The following BRIP1 variants were observed in gnomAD, a reference collection of about 807,000 sequenced individuals.
The protein encoded by BRIP1 is Fanconi anemia group J protein.
In BRIP1, 88 loss-of-function variants were observed where a neutral mutation model predicts 119.7. The ratio of observed to expected loss-of-function variants is 0.74; its 90% CI spans 0.62 to 0.88. The LOEUF is 0.88. BRIP1 is among the 40% of genes least tolerant of loss of function. The probability of loss-of-function intolerance (pLI) is 0.00; values close to 1 mark genes in which losing one functional copy is unlikely to be tolerated. For synonymous variants in BRIP1, 443 were observed against 496.5 expected (o/e 0.89, Z 1.43); for missense variants, 1,259 against 1,455.4 (o/e 0.87, Z 2.20).
Position 61,717,967 on chromosome 17 carries a change from T to C in BRIP1, c.2380-1904A>G, listed in dbSNP as rs1368646937. ...GTATTTTTTGTTTCATATAGAGAGA[T>C]TTCACATAGGTATTTAAAAAATAGC... On this transcript the variant is annotated intron_variant, in intron 16 of 19. Transcript: ENST00000259008. This position sits in a 1 kb window ranked among gnomAD's most constrained non-coding sequence, Gnocchi z 4.1. 6.6e-6 allele frequency among the ~76,000 whole-genome samples: 1 copy of C among 152,184 alleles called. No homozygotes were observed. Among genetic ancestry groups the C allele is most frequent in the Non-Finnish European group, 1.5e-5 (1 of 68,028 alleles).
Position 61,780,447 on chromosome 17 carries a change from G to C in BRIP1, c.1795-46C>G, listed in dbSNP as rs1279806728. ...ATAAATAAAATTATCTTTAGAAGAG[G>C]CTGGGCAAAGTGGCTCACACCTGTA... On this transcript the variant is annotated intron_variant, in intron 12 of 19. Transcript: ENST00000259008. This position sits in a 1 kb window ranked among gnomAD's most constrained non-coding sequence, Gnocchi z 5.4. The C allele has an allele frequency of 6.5e-7, 1 of 1,547,100 alleles. No individual in the cohort carries two copies. The highest frequency in any genetic ancestry group is 8.9e-7 in the Non-Finnish European group (1 of 1,121,214).
At position 61,713,943 on chromosome 17, in the gene BRIP1, T is replaced by C. The variant is rs1336117813; in HGVS notation, c.2492+2008A>G. ...TTTTTGTACAGCTGTATAATTTGTGTTTTAAGCTAAGTGTTGTAAAAGAGT... is the reference window on the plus strand; with the variant it reads ...TTTTTGTACAGCTGTATAATTTGTGCTTTAAGCTAAGTGTTGTAAAAGAGT... On this transcript the variant is annotated intron_variant, in intron 17 of 19. Transcript: ENST00000259008. The surrounding 1 kb of genome is among the most constrained non-coding windows in gnomAD (Gnocchi z 4.9). Among the ~76,000 whole-genome samples the C allele has an allele frequency of 6.6e-6, 1 of 152,040 alleles. No homozygotes were observed. Among genetic ancestry groups the C allele is most frequent in the Non-Finnish European group, 1.5e-5 (1 of 68,014 alleles).
rs1567746588 is a variant in BRIP1, at chr17:61,703,827, G to C, written c.2493-10315C>G. On this transcript the variant is annotated intron_variant, in intron 17 of 19. Coordinates refer to ENST00000259008, the MANE Select transcript of BRIP1 (RefSeq NM_032043.3). The surrounding 1 kb of genome is among the most constrained non-coding windows in gnomAD (Gnocchi z 5.0). ...GTTGTTGTATATAGTGTAAGGAAGG[G>C]GGTCCAGTTTCAATCTTCTGCTTAC... 6.6e-6 allele frequency among the ~76,000 whole-genome samples: 1 copy of C among 152,082 alleles called. No individual in the cohort carries two copies. The highest frequency in any genetic ancestry group is 2.1e-4 in the South Asian group (1 of 4,820).
At chr17:61,771,009 C>T (rs1174765280) in intron 14 of BRIP1, among the ~76,000 whole-genome samples, 3 of 152,054 alleles carry the variant, frequency 2.0e-5, no homozygotes, top group African/African-American at 7.2e-5. Context: ...TTCAAATGCT[C>T]CAACTATATG....
At chr17:61,765,372 G>GTGTA (rs1458214968) in intron 14 of BRIP1, among the ~76,000 whole-genome samples, 4 of 61,552 alleles carry the variant, frequency 6.5e-5, no homozygotes, top group African/African-American at 3.0e-4. Flanking sequence ...GTGTGTGTGT[G>GTGTA]TATATATTAT....
At position 61,852,391 on chromosome 17, in the gene BRIP1, G is replaced by C. The variant is rs1567871288; in HGVS notation, c.380-3135C>G. On this transcript the variant is annotated intron_variant, in intron 4 of 19. Coordinates refer to ENST00000259008, the MANE Select transcript of BRIP1 (RefSeq NM_032043.3). This position sits in a 1 kb window ranked among gnomAD's most constrained non-coding sequence, Gnocchi z 4.9. The stretch of plus-strand genomic sequence containing the variant: ...AATACCCAATAGAAAAATGGAGGCT[G>C]GGCACGGTGGCTCACACTTGTAATT... Among the ~76,000 whole-genome samples the C allele has an allele frequency of 6.6e-6, 1 of 152,056 alleles. No individual in the cohort carries two copies. The highest frequency in any genetic ancestry group is 1.5e-5 in the Non-Finnish European group (1 of 68,034).
Position 61,833,568 on chromosome 17 carries a change from G to A in BRIP1, c.627+13533C>T, listed in dbSNP as rs925679854. 2.6e-5 allele frequency among the ~76,000 whole-genome samples: 4 copies of A among 151,962 alleles called. No homozygotes were observed. The East Asian group carries it at 5.8e-4, about 22-fold the overall frequency. On this transcript the variant is annotated intron_variant, in intron 6 of 19. Transcript: ENST00000259008. ...CACCTGTAATCCCAGCTACTCGAGC[G>A]GCTGAGGCAGGAGAATTGCTTGAAC...
rs1255201553 is a variant in BRIP1, at chr17:61,828,739, T to C, written c.627+18362A>G. On this transcript the variant is annotated intron_variant, in intron 6 of 19. Coordinates refer to ENST00000259008, the MANE Select transcript of BRIP1 (RefSeq NM_032043.3). This position sits in a 1 kb window ranked among gnomAD's most constrained non-coding sequence, Gnocchi z 4.1. ...AGAAAGAAATTATTTTCCTCATTTG[T>C]AAATTTGTACATAGCTGATGATTTA... is the stretch of plus-strand genomic sequence containing the variant. 1.3e-5 allele frequency among the ~76,000 whole-genome samples: 2 copies of C among 152,240 alleles called. No homozygotes were observed. Among genetic ancestry groups the C allele is most frequent in the Non-Finnish European group, 2.9e-5 (2 of 68,036 alleles).
Position 61,739,509 on chromosome 17 carries a change from T to C in BRIP1, c.2379+3504A>G, listed in dbSNP as rs1208587994. ...GATACCCCCTGAGGACTTTCAGAAA[T>C]TTTGAAGAGGTCCAGAGGTTACGGA... is the stretch of plus-strand genomic sequence containing the variant. On this transcript the variant is annotated intron_variant, in intron 16 of 19. Coordinates refer to ENST00000259008, the MANE Select transcript of BRIP1 (RefSeq NM_032043.3). This position sits in a 1 kb window ranked among gnomAD's most constrained non-coding sequence, Gnocchi z 6.0. 2 of 177,918 alleles carry C rather than the reference T, an allele frequency of 1.1e-5. No homozygotes were observed. Among genetic ancestry groups the C allele is most frequent in the Non-Finnish European group, 2.4e-5 (2 of 82,900 alleles). 11.0% of individuals were successfully genotyped at this position (177,918 alleles called of 1,614,324 possible).
At chr17:61,835,628 C>T (rs2078560166) in intron 6 of BRIP1, among the ~76,000 whole-genome samples, 1 of 151,244 alleles carries the variant, frequency 6.6e-6, no homozygotes. Flanking sequence ...AGAATTAGGG[C>T]AGGGGTCTAC....
chr17:61,708,038 G>C lies in BRIP1; in HGVS notation c.2492+7913C>G, dbSNP rs2061719480. ...ATTTTTGTATTTTTAGTAGAGATGG[G>C]GTTTCACCATGTTGGCCAGGCTGGT... On this transcript the variant is annotated intron_variant, in intron 17 of 19. Transcript: ENST00000259008. The surrounding 1 kb of genome is among the most constrained non-coding windows in gnomAD (Gnocchi z 4.4). Among the ~76,000 whole-genome samples the C allele has an allele frequency of 6.6e-6, 1 of 151,950 alleles. No homozygotes were observed. The highest frequency in any genetic ancestry group is 1.5e-5 in the Non-Finnish European group (1 of 68,014).
chr17:61,821,924 AT>A (rs2078332451), intron 6 of BRIP1, among the ~76,000 whole-genome samples: 1 of 152,174 alleles, frequency 6.6e-6, no homozygotes, highest in South Asian at 2.1e-4. Context: ...TGAAGGCTCA[AT>A]GAATATTACT....
At chr17:61,765,418 T>C (rs1286111409) in intron 14 of BRIP1, among the ~76,000 whole-genome samples, 2 of 14,194 alleles carry the variant, frequency 1.4e-4, no homozygotes, top group African/African-American at 7.3e-4. Flanking sequence ...TATATATATA[T>C]ATATATTTTT....
chr17:61,747,158 A>G (rs1050093322), intron 14 of BRIP1, among the ~76,000 whole-genome samples: 6 of 152,126 alleles, frequency 3.9e-5, no homozygotes, highest in African/African-American at 1.4e-4. Context: ...ACCACAACAT[A>G]CCACAAGTAA....
Position 61,726,232 on chromosome 17 carries a change from T to C in BRIP1, c.2380-10169A>G, listed in dbSNP as rs192739572. ...TAGAATTAGAAGTCTCTTAGCTTTA[T>C]TGAAGTTGGAGACTGTGTGCCAACC... On this transcript the variant is annotated intron_variant, in intron 16 of 19. Transcript: ENST00000259008. This position sits in a 1 kb window ranked among gnomAD's most constrained non-coding sequence, Gnocchi z 6.2. Among the ~76,000 whole-genome samples the C allele has an allele frequency of 1.7e-4, 26 of 152,320 alleles. No homozygotes were observed. Among genetic ancestry groups the C allele is most frequent in the Admixed American group, 1.1e-3 (17 of 15,296 alleles).
Position 61,755,078 on chromosome 17 carries a change from C to T in BRIP1, c.2098-10487G>A, listed in dbSNP as rs971575696. Among the ~76,000 whole-genome samples, 2 of 152,130 alleles carry T rather than the reference C, an allele frequency of 1.3e-5. No individual in the cohort carries two copies. Among genetic ancestry groups the T allele is most frequent in the African/African-American group, 2.4e-5 (1 of 41,424 alleles). Reference sequence around the variant, plus strand: ...AATACAAAAGGACAATGATTTTTGTCTGTTTTACTTACTGCTGATTGCCCA... The same window carrying T: ...AATACAAAAGGACAATGATTTTTGTTTGTTTTACTTACTGCTGATTGCCCA... On this transcript the variant is annotated intron_variant, in intron 14 of 19. Coordinates refer to ENST00000259008, the MANE Select transcript of BRIP1 (RefSeq NM_032043.3). This position sits in a 1 kb window ranked among gnomAD's most constrained non-coding sequence, Gnocchi z 4.5.
At chr17:61,817,261 G>A (rs75376716) in intron 6 of BRIP1, among the ~76,000 whole-genome samples, 6,104 of 152,066 alleles carry the variant, frequency 0.04, 138 homozygotes, top group Middle Eastern at 0.082. Flanking sequence ...TTATTTAGTC[G>A]GTGAAAATTC....
In BRIP1 at chr17:61,808,655, G is replaced by A; in HGVS notation, c.730C>T (p.Pro244Ser). 3 of 1,613,928 alleles carry A rather than the reference G, an allele frequency of 1.9e-6. No individual in the cohort carries two copies. The highest frequency in any genetic ancestry group is 2.5e-6 in the Non-Finnish European group (3 of 1,179,890). The part of the protein sequence containing the change: ...KKDHTGKSKI[P>S]KIYFGTRTHK... ...GTGCGTGTCCCAAAATATATTTTGG[G>A]TATCTTGGATTTCCCTGTATGATCC... The change falls in exon 7 of 20, where the codon CCC (proline) becomes TCC (serine). Residue 244 changes from proline (P) to serine (S), a missense_variant. By Grantham distance (74) the Pro-to-Ser change is moderately conservative (BLOSUM62 -1). Around this residue, in one of 3 missense-constraint regions of BRIP1, gnomAD observed 501 missense variants for 544.0 expected, o/e 0.92. Coordinates refer to ENST00000259008, the MANE Select transcript of BRIP1 (RefSeq NM_032043.3). This position sits in a 1 kb window ranked among gnomAD's most constrained non-coding sequence, Gnocchi z 4.1.
rs1277538577 is a variant in BRIP1 at position 61,729,638 on chromosome 17, T to G, written c.2379+13375A>C. ...TATAAGAAAAAGCTATCTACTGTATTTAGTGTATATTAGACTCTTGGTAAG... is the reference window on the plus strand; with the variant it reads ...TATAAGAAAAAGCTATCTACTGTATGTAGTGTATATTAGACTCTTGGTAAG... On this transcript the variant is annotated intron_variant, in intron 16 of 19. Coordinates refer to ENST00000259008, the MANE Select transcript of BRIP1 (RefSeq NM_032043.3). This position sits in a 1 kb window ranked among gnomAD's most constrained non-coding sequence, Gnocchi z 5.6. 6.6e-6 allele frequency among the ~76,000 whole-genome samples: 1 copy of G among 152,148 alleles called. No individual in the cohort carries two copies. Among genetic ancestry groups the G allele is most frequent in the Non-Finnish European group, 1.5e-5 (1 of 68,020 alleles).
Sources: allele counts gnomAD v4.1 joint callset (sites outside exome capture counted in the v4.1 genomes callset), GRCh38; gene constraint gnomAD v4.1.1; regional missense constraint gnomAD v4.1.1; non-coding constraint Gnocchi (gnomAD v3.1); transcripts MANE v1.5; gene names NCBI Gene and HGNC (gene_info 2026-07-23, HGNC 2026-07-21).